LMNTD1: variants seen among roughly 807,000 people sequenced by gnomAD.
The protein encoded by LMNTD1 is lamin tail domain containing 1.
A neutral mutation model predicts 50.9 loss-of-function variants in LMNTD1; 35 were observed. The ratio of observed to expected loss-of-function variants is 0.69; its 90% CI spans 0.53 to 0.91. The LOEUF is 0.91. Ranked by LOEUF, LMNTD1 falls within the 40% of genes least tolerant of loss-of-function variation. LMNTD1 has a pLI of 0.00. For missense variants in LMNTD1, 470 were observed against 475.5 expected, an observed-to-expected ratio of 0.99 and a Z score of 0.11; for synonymous variants, 153 against 161.9, an observed-to-expected ratio of 0.94 and a Z score of 0.42.
chr12:25,608,487 T>C (rs1486390871), intron 1 of LMNTD1, among the ~76,000 whole-genome samples: 3 of 152,210 alleles, frequency 2.0e-5, no homozygotes, highest in Admixed American at 1.3e-4. Context: ...TTCTTTTCCA[T>C]GTTTAGTGCT....
chr12:25,611,122 C>A (rs922640975), intron 1 of LMNTD1, among the ~76,000 whole-genome samples: 1 of 152,096 alleles, frequency 6.6e-6, no homozygotes, highest in Non-Finnish European at 1.5e-5. Context: ...AAGTTTTAAC[C>A]TCAAATACCA....
At chr12:25,602,840 T>C (rs974714281) in intron 1 of LMNTD1, among the ~76,000 whole-genome samples, 2 of 152,074 alleles carry the variant, frequency 1.3e-5, no homozygotes, top group Non-Finnish European at 2.9e-5. Context: ...TTCAGGCTTA[T>C]TTTTCAATGT....
chr12:25,504,862 T>C (rs1246396270), intron 8 of LMNTD1, among the ~76,000 whole-genome samples: 3 of 152,220 alleles, frequency 2.0e-5, no homozygotes, highest in Non-Finnish European at 4.4e-5. Flanking sequence ...GTTATGAACC[T>C]AGAATATAAA....
chr12:25,510,369 C>A (rs183667818), intron 8 of LMNTD1, among the ~76,000 whole-genome samples: 1 of 152,002 alleles, frequency 6.6e-6, no homozygotes, highest in East Asian at 1.9e-4. Flanking sequence ...TATCTTATGA[C>A]TTCCATATTT....
rs868864951 is a variant in LMNTD1, at chr12:25,542,939, A to G, written c.491+3435T>C. ...GATACAGATGACCATATGAGAAATG[A>G]GAAAGGTGATACCAATAAAGATTCT... On this transcript the variant is annotated intron_variant, in intron 4 of 9. Coordinates refer to ENST00000458174, the MANE Select transcript of LMNTD1 (RefSeq NM_001145728.2). Among the ~76,000 whole-genome samples the G allele has an allele frequency of 5.3e-5, 8 of 152,002 alleles. No homozygotes were observed. The South Asian group carries it at 1.2e-3, about 24-fold the overall frequency.
At chr12:25,604,834 A>G (rs1051498014) in intron 1 of LMNTD1, among the ~76,000 whole-genome samples, 1 of 152,206 alleles carries the variant, frequency 6.6e-6, no homozygotes, top group Non-Finnish European at 1.5e-5. Flanking sequence ...TTATAGAGGT[A>G]TGATTTATAA....
At position 25,546,522 on chromosome 12, in the gene LMNTD1, C is replaced by G. The variant is rs370130318; in HGVS notation, c.343G>C (p.Asp115His). The change falls in exon 4 of 10, where the codon GAT (aspartate) becomes CAT (histidine). Residue 115 changes from aspartate (D) to histidine (H), a missense_variant. By Grantham distance (81) the Asp-to-His change is moderately conservative. Coordinates refer to ENST00000458174, the MANE Select transcript of LMNTD1 (RefSeq NM_001145728.2). Reference protein sequence around the residue: ...ASPFSVPKKQDESPMIGDGED... With the variant: ...ASPFSVPKKQHESPMIGDGED... ...CCATCCCCAATCATGGGTGATTCAT[C>G]CTGTTTCTTCGGAACTGAGAAGGGG... 159 of 1,569,590 alleles carry G rather than the reference C, an allele frequency of 1.0e-4. No homozygotes were observed. Among genetic ancestry groups the G allele is most frequent in the Non-Finnish European group, 1.3e-4 (146 of 1,155,804 alleles).
At chr12:25,514,183 T>C (rs771190347) in intron 8 of LMNTD1, among the ~76,000 whole-genome samples, 40 of 151,574 alleles carry the variant, frequency 2.6e-4, no homozygotes, top group Admixed American at 4.6e-4. Context: ...GGCACAGTGA[T>C]AGATCAATAG....
At chr12:25,536,893 G>T (rs937314865) in intron 4 of LMNTD1, among the ~76,000 whole-genome samples, 3 of 152,228 alleles carry the variant, frequency 2.0e-5, no homozygotes, top group African/African-American at 7.2e-5. Context: ...GCCGAAGCAG[G>T]GCGAGGCATT....
chr12:25,572,561 G>T (rs572981376), intron 1 of LMNTD1, among the ~76,000 whole-genome samples: 1 of 152,032 alleles, frequency 6.6e-6, no homozygotes, highest in East Asian at 1.9e-4. Context: ...TCACAACATT[G>T]AAACCTGCAG....
At chr12:25,641,849 T>C (rs1323566088) in intron 1 of LMNTD1, among the ~76,000 whole-genome samples, 2 of 152,246 alleles carry the variant, frequency 1.3e-5, no homozygotes, top group East Asian at 3.9e-4. Flanking sequence ...CCATCCTAAT[T>C]TTTTTTCACT....
At chr12:25,597,284 T>C (rs1009063188) in intron 1 of LMNTD1, among the ~76,000 whole-genome samples, 2 of 151,518 alleles carry the variant, frequency 1.3e-5, no homozygotes, top group Admixed American at 6.6e-5. Context: ...AAAACACACA[T>C]AGACTAAAAA....
intron 6 of LMNTD1, among the ~76,000 whole-genome samples, chr12:25,520,758 A>G (rs774254667): frequency 6.6e-6 from 1 of 152,080 alleles, no homozygotes; most frequent in Non-Finnish European, 1.5e-5. Context: ...TCTACTTTTA[A>G]TTTCTTTAGG....
chr12:25,538,447 C>T (rs1000642512), intron 4 of LMNTD1, among the ~76,000 whole-genome samples: 2 of 146,520 alleles, frequency 1.4e-5, no homozygotes, highest in Admixed American at 6.9e-5. Context: ...GAATTTTCAA[C>T]CCAGAATTTC....
rs938464943 is a variant in LMNTD1, at chr12:25,565,229, G to GTT, written c.59-18677_59-18676dup. Among the ~76,000 whole-genome samples, 18 of 150,306 alleles carry GTT rather than the reference G, an allele frequency of 1.2e-4. No homozygotes were observed. The East Asian group carries it at 3.3e-3, about 28-fold the overall frequency. ...TAAGAACTGACTTCTGCCATTTTATGTTTTTTTTTGTGGTCTTCTCTTTGT... is the reference window on the plus strand; with the variant it reads ...TAAGAACTGACTTCTGCCATTTTATGTTTTTTTTTTTGTGGTCTTCTCTTTGT... On this transcript the variant is annotated intron_variant, in intron 1 of 7. Transcript: ENST00000445693.
intron 8 of LMNTD1, among the ~76,000 whole-genome samples, chr12:25,506,997 G>A (rs1025961225): frequency 1.3e-5 from 2 of 151,706 alleles, no homozygotes; most frequent in Admixed American, 6.6e-5. Flanking sequence ...CTTGTGCCTC[G>A]GCCTCCCGAG....
intron 9 of LMNTD1, among the ~76,000 whole-genome samples, chr12:25,502,128 C>T (rs1444364596): frequency 1.3e-5 from 2 of 151,888 alleles, no homozygotes; most frequent in African/African-American, 2.4e-5. Context: ...AAATAATAAC[C>T]GAGGAAGATC....
intron 9 of LMNTD1, among the ~76,000 whole-genome samples, chr12:25,479,879 C>G (rs1163293250): frequency 2.0e-5 from 3 of 152,184 alleles, no homozygotes; most frequent in Non-Finnish European, 2.9e-5. Flanking sequence ...GTCTCTCCTG[C>G]TGGCAAATTG....
chr12:25,529,143 CT>C (rs972532223), intron 4 of LMNTD1, among the ~76,000 whole-genome samples: 10 of 152,208 alleles, frequency 6.6e-5, no homozygotes, highest in African/African-American at 2.4e-4. Flanking sequence ...TTGAAGTCAA[CT>C]GTTTTGCCTC....
Sources: gnomAD v4.1 joint callset for allele counts (sites outside exome capture counted in the v4.1 genomes callset) on GRCh38, gnomAD v4.1.1 for gene constraint, MANE v1.5 for transcripts, NCBI Gene and HGNC (gene_info 2026-07-23, HGNC 2026-07-21) for gene names.